The following PLEKHA1 variants were observed in gnomAD, a reference collection of about 807,000 sequenced individuals.
The protein encoded by PLEKHA1 is pleckstrin homology domain containing A1.
Under a neutral mutation model 52.0 loss-of-function variants are expected in PLEKHA1, and 34 were observed. The observed-to-expected ratio is 0.65, with a 90% CI of 0.50 to 0.87. The LOEUF (loss-of-function observed/expected upper bound fraction) is 0.87, where lower values mean the gene tolerates loss of function less well. Among genes scored for constraint, PLEKHA1 ranks in the 40% least tolerant of loss-of-function variants. The pLI is 0.00. For synonymous variants in PLEKHA1, 163 were observed against 170.7 expected (o/e 0.95, Z 0.35); for missense variants, 497 against 504.2 (o/e 0.99, Z 0.14).
intron 5 of PLEKHA1, among the ~76,000 whole-genome samples, chr10:122,410,407 C>G (rs2097091407): frequency 6.6e-6 from 1 of 152,116 alleles, no homozygotes; most frequent in Admixed American, 6.5e-5. Context: ...GCCAACTGCC[C>G]AGTGAGATCA....
At chr10:122,402,023 T>C (rs1257338353) in intron 4 of PLEKHA1, among the ~76,000 whole-genome samples, 1 of 152,198 alleles carries the variant, frequency 6.6e-6, no homozygotes, top group Non-Finnish European at 1.5e-5. Flanking sequence ...AATTATAATT[T>C]TGGTTACGAA....
intron 1 of PLEKHA1, among the ~76,000 whole-genome samples, chr10:122,376,153 A>C (rs933861198): frequency 1.3e-5 from 2 of 152,194 alleles, no homozygotes; most frequent in Non-Finnish European, 1.5e-5. Context: ...CACAATCTGA[A>C]GAACTTGAAG....
chr10:122,416,087 A>G, intron 7 of PLEKHA1, 85 bp downstream of exon 7: 1 of 1,416,810 alleles, frequency 7.1e-7, no homozygotes, highest in Non-Finnish European at 9.4e-7. Flanking sequence ...TGTTTGCTTT[A>G]TTTTATGAAA....
intron 2 of PLEKHA1, among the ~76,000 whole-genome samples, chr10:122,397,136 C>T (rs930752501): frequency 6.6e-6 from 1 of 152,064 alleles, no homozygotes; most frequent in Admixed American, 6.5e-5. Context: ...CAGAGCTGTG[C>T]ATCTTCCATT....
intron 9 of PLEKHA1, 149 bp from the exon 10 acceptor site, chr10:122,424,747 T>C: frequency 1.9e-6 from 1 of 523,222 alleles, no homozygotes; most frequent in Non-Finnish European, 3.2e-6. Context: ...AATCTTACAT[T>C]AAAATAAATG....
Position 122,430,042 on chromosome 10 carries a change from T to A in PLEKHA1, c.*104T>A. ...GGGGAAATGGTTTTTAGTGCGTATATTATACTGCCTCTTAGGTGTACTCTT... is the reference window on the plus strand; with the variant it reads ...GGGGAAATGGTTTTTAGTGCGTATAATATACTGCCTCTTAGGTGTACTCTT... On this transcript the variant is annotated 3_prime_UTR_variant, in exon 12 of 12. Transcript: ENST00000368990. The A allele has an allele frequency of 8.1e-7, 1 of 1,232,542 alleles. No homozygotes were observed. Among genetic ancestry groups the A allele is most frequent in the Non-Finnish European group, 1.1e-6 (1 of 896,608 alleles). The allele number at this position is 1,232,542 out of a possible 1,614,324, so 76.4% of individuals were successfully genotyped here.
intron 6 of PLEKHA1, among the ~76,000 whole-genome samples, chr10:122,414,280 A>T (rs2097145006): frequency 6.6e-6 from 1 of 152,024 alleles, no homozygotes; most frequent in Admixed American, 6.6e-5. Context: ...GGCTGTTTTA[A>T]TTTTGTCTAG....
Position 122,430,091 on chromosome 10 carries a change from T to C in PLEKHA1, c.*153T>C. On this transcript the variant is annotated 3_prime_UTR_variant, in exon 12 of 12. Transcript: ENST00000368990. ...TTTATAAGCTGGTAAACCAAGAATC[T>C]AGGGAGTGGCCAAACTAAATATAAT... 1 of 819,468 alleles carries C rather than the reference T, an allele frequency of 1.2e-6. No individual in the cohort carries two copies. The highest frequency in any genetic ancestry group is 1.7e-5 in the African/African-American group (1 of 57,218). 50.8% of individuals were successfully genotyped at this position (819,468 alleles called of 1,614,324 possible). A position where few individuals can be genotyped will look rare whatever the true frequency, so the allele number is the denominator to read the frequency against.
At chr10:122,403,899 C>T (rs1468659575) in intron 4 of PLEKHA1, among the ~76,000 whole-genome samples, 1 of 152,106 alleles carries the variant, frequency 6.6e-6, no homozygotes, top group African/African-American at 2.4e-5. Context: ...ACCATGTTGG[C>T]CAGGCTTGTC....
chr10:122,398,417 CTT>C (rs770187528), intron 3 of PLEKHA1, among the ~76,000 whole-genome samples: 59 of 151,790 alleles, frequency 3.9e-4, no homozygotes, highest in Non-Finnish European at 7.9e-4. Flanking sequence ...TTTTCCCCCT[CTT>C]TTCACTTTGT....
intron 4 of PLEKHA1, among the ~76,000 whole-genome samples, chr10:122,403,481 G>T (rs1319224376): frequency 6.6e-6 from 1 of 152,052 alleles, no homozygotes; most frequent in Non-Finnish European, 1.5e-5. Context: ...TAATCATAAA[G>T]ATTTGAAGTT....
In PLEKHA1 at chr10:122,432,027, A is replaced by G. The variant is rs1039961844; in HGVS notation, c.*2089A>G. On this transcript the variant is annotated 3_prime_UTR_variant, in exon 12 of 12. Coordinates refer to ENST00000368990, the MANE Select transcript of PLEKHA1 (RefSeq NM_001001974.4). ...TTTTGGGACATTTTAAAATAGAACT[A>G]TCCTTGTTCGATAGCATAGGAAAAT... 1 of 152,218 alleles carries G rather than the reference A, an allele frequency of 6.6e-6. No homozygotes were observed. Among genetic ancestry groups the G allele is most frequent in the South Asian group, 2.1e-4 (1 of 4,836 alleles). The allele number at this position is 152,218 out of a possible 1,614,324, so 9.4% of individuals were successfully genotyped here.
At chr10:122,428,635 T>C (rs188954586) in intron 11 of PLEKHA1, among the ~76,000 whole-genome samples, 44 of 152,154 alleles carry the variant, frequency 2.9e-4, no homozygotes, top group Non-Finnish European at 5.0e-4. Flanking sequence ...TTTAAAAATT[T>C]TTAAGATACA....
At chr10:122,386,672 C>T (rs952725434) in intron 1 of PLEKHA1, 1 of 152,140 alleles carries the variant, frequency 6.6e-6, no homozygotes, top group Non-Finnish European at 1.5e-5. Flanking sequence ...TCGATTATTC[C>T]AGTCTTGTTT....
In PLEKHA1 at chr10:122,427,019, A is replaced by T. The variant is rs1327528067; in HGVS notation, c.888A>T (p.Arg296Ser). The change falls in exon 11 of 12, where the codon AGA becomes AGT. Residue 296 changes from arginine (R) to serine (S), a missense_variant. Transcript: ENST00000368990. ...GAIVAQRGPGRSASSEHPPGP... is the reference protein window; with the variant it reads ...GAIVAQRGPGSSASSEHPPGP... ...TTGTAGCACAGCGGGGTCCCGGCAG[A>T]TCTGCGTCTTCTGTAGGTTTCCTGC... 4.3e-6 allele frequency: 7 copies of T among 1,613,638 alleles called. No homozygotes were observed. The highest frequency in any genetic ancestry group is 8.5e-7 in the Non-Finnish European group (1 of 1,179,582).
At chr10:122,406,717 T>A in intron 5 of PLEKHA1, 44 bp downstream of exon 5, 1 of 1,381,764 alleles carries the variant, frequency 7.2e-7, no homozygotes, top group Non-Finnish European at 1.0e-6. Flanking sequence ...TGTCTGGAAT[T>A]AATCTTTTCA....
chr10:122,430,255 A>G lies in PLEKHA1; in HGVS notation c.*317A>G, dbSNP rs1043837020. ...AGTGATTTTGACAGTTTAAATGTTT[A>G]ACAACTTAAAGCATTAAAAATGCTT... On this transcript the variant is annotated 3_prime_UTR_variant, in exon 12 of 12. Coordinates refer to ENST00000368990, the MANE Select transcript of PLEKHA1 (RefSeq NM_001001974.4). 4.8e-6 allele frequency: 1 copy of G among 209,432 alleles called. No individual in the cohort carries two copies. Among genetic ancestry groups the G allele is most frequent in the African/African-American group, 2.3e-5 (1 of 43,486 alleles). 13.0% of individuals were successfully genotyped at this position (209,432 alleles called of 1,614,324 possible).
intron 1 of PLEKHA1, among the ~76,000 whole-genome samples, chr10:122,376,745 T>A (rs2096543978): frequency 6.6e-6 from 1 of 152,126 alleles, no homozygotes. Context: ...TGAAACAGGA[T>A]AAGTATACAA....
In PLEKHA1 at chr10:122,424,184, T is replaced by C. The variant is rs768727525; in HGVS notation, c.682-15T>C. On this transcript the variant is annotated splice_polypyrimidine_tract_variant and intron_variant, in intron 8 of 11. Transcript: ENST00000368990. ...CATCATGTAACTGTTTTTTTTTTTT[T>C]TTTTTTTTTGCCAGGAAAAGGAACC... is the stretch of plus-strand genomic sequence containing the variant. The C allele has an allele frequency of 1.3e-6, 2 of 1,499,566 alleles. No homozygotes were observed. Among genetic ancestry groups the C allele is most frequent in the African/African-American group, 1.5e-5 (1 of 65,216 alleles). The allele number at this position is 1,499,566 out of a possible 1,614,324, so 92.9% of individuals were successfully genotyped here.
Sources: gnomAD v4.1 joint callset for allele counts (sites outside exome capture counted in the v4.1 genomes callset) on GRCh38, gnomAD v4.1.1 for gene constraint, MANE v1.5 for transcripts, NCBI Gene and HGNC (gene_info 2026-07-23, HGNC 2026-07-21) for gene names.